Variants in C2orf76 observed in about 807,000 individuals in gnomAD.
The protein encoded by C2orf76 is UPF0538 protein C2orf76.
C2orf76 carries 23 observed loss-of-function variants against 16.9 expected under a neutral mutation model. The ratio of observed to expected loss-of-function variants is 1.36; its 90% confidence interval spans 0.98 to 1.93. C2orf76 has a LOEUF of 1.93. Ranked by LOEUF, C2orf76 falls within the 30% of genes most tolerant of loss-of-function variation. The probability of loss-of-function intolerance (pLI) is 0.00; values close to 1 mark genes in which losing one functional copy is unlikely to be tolerated. For missense variants in C2orf76, 152 were observed against 152.6 expected (o/e 1.00, Z 0.02); for synonymous variants, 48 against 52.3 (o/e 0.92, Z 0.35).
At chr2:119,354,094 A>T (rs1325475076) in intron 1 of C2orf76, among the ~76,000 whole-genome samples, 1 of 152,238 alleles carries the variant, frequency 6.6e-6, no homozygotes, top group Non-Finnish European at 1.5e-5. Context: ...TCTACAACTT[A>T]TATATGTATT....
the C2orf76 span, among the ~76,000 whole-genome samples, chr2:119,287,246 T>A: frequency 6.6e-6 from 1 of 152,240 alleles, no homozygotes; most frequent in Admixed American, 6.5e-5. Context: ...TTCTGATGGC[T>A]TGTCCTGCAG....
chr2:119,360,530 T>C (rs1680713106), intron 1 of C2orf76, among the ~76,000 whole-genome samples: 1 of 150,882 alleles, frequency 6.6e-6, no homozygotes, highest in Admixed American at 6.6e-5. Flanking sequence ...CATAATGCTA[T>C]TGCACACTTT....
intron 1 of C2orf76, among the ~76,000 whole-genome samples, chr2:119,341,903 C>T (rs576794380): frequency 5.3e-5 from 8 of 152,228 alleles, no homozygotes; most frequent in South Asian, 4.1e-4. Context: ...TCATCAGTGA[C>T]GGCAGGGACT....
At chr2:119,289,557 G>A in the C2orf76 span, among the ~76,000 whole-genome samples, 1 of 151,928 alleles carries the variant, frequency 6.6e-6, no homozygotes, top group Non-Finnish European at 1.5e-5. Flanking sequence ...GTGGTGGCAC[G>A]CGCCTATAGT....
chr2:119,354,578 G>A (rs907970088), intron 1 of C2orf76, among the ~76,000 whole-genome samples: 7 of 152,080 alleles, frequency 4.6e-5, no homozygotes, highest in Non-Finnish European at 7.4e-5. Context: ...GACTATATGA[G>A]GGTTAAATAA....
chr2:119,353,738 G>A (rs1488548718), intron 1 of C2orf76, among the ~76,000 whole-genome samples: 1 of 151,674 alleles, frequency 6.6e-6, no homozygotes, highest in Non-Finnish European at 1.5e-5. Context: ...AATTTTTGTA[G>A]TTTTAGTAGA....
chr2:119,286,188 C>T, the C2orf76 span, among the ~76,000 whole-genome samples: 11 of 147,478 alleles, frequency 7.5e-5, no homozygotes, highest in East Asian at 6.1e-4. Flanking sequence ...ATCATGCCGC[C>T]GCACTCCAGC....
intron 1 of C2orf76, among the ~76,000 whole-genome samples, chr2:119,343,655 G>A (rs1048553530): frequency 2.0e-5 from 3 of 152,098 alleles, no homozygotes; most frequent in Admixed American, 6.6e-5. Context: ...CATGTTAGCC[G>A]GGCGTGGTGG....
intron 5 of C2orf76, 29 bp from the exon 6 acceptor site, chr2:119,302,577 G>T (rs759254800): frequency 1.5e-6 from 2 of 1,376,798 alleles, no homozygotes; most frequent in South Asian, 3.0e-5. Context: ...TGGAAAAAAA[G>T]ATTTTAATGT....
At chr2:119,356,396 CAAA>C (rs34898813) in intron 1 of C2orf76, among the ~76,000 whole-genome samples, 4 of 95,620 alleles carry the variant, frequency 4.2e-5, no homozygotes, top group Admixed American at 2.2e-4. Context: ...GACTCTGTCT[CAAA>C]AAAAAAAAAA....
At chr2:119,307,301 G>A (rs576164976) in intron 5 of C2orf76, among the ~76,000 whole-genome samples, 21 of 152,124 alleles carry the variant, frequency 1.4e-4, no homozygotes, top group South Asian at 4.2e-4. Flanking sequence ...TTAGCTGGGC[G>A]TGGTGGCACA....
intron 5 of C2orf76, chr2:119,311,299 C>T: frequency 1.0e-6 from 1 of 985,438 alleles, no homozygotes; most frequent in Non-Finnish European, 1.2e-6. Context: ...CTCCAACCAT[C>T]GGCTCAAGTG....
At chr2:119,320,620 C>T (rs1397889044) in intron 3 of C2orf76, among the ~76,000 whole-genome samples, 1 of 152,150 alleles carries the variant, frequency 6.6e-6, no homozygotes, top group African/African-American at 2.4e-5. Context: ...AAAATTTATA[C>T]TTTAAAATGT....
intron 3 of C2orf76, among the ~76,000 whole-genome samples, chr2:119,320,185 A>G (rs913684150): frequency 1.3e-5 from 2 of 152,208 alleles, no homozygotes; most frequent in African/African-American, 4.8e-5. Flanking sequence ...AGCTTTGCAC[A>G]TAGACATATA....
intron 3 of C2orf76, among the ~76,000 whole-genome samples, chr2:119,318,637 C>T (rs1353702435): frequency 1.3e-5 from 2 of 151,586 alleles, no homozygotes; most frequent in African/African-American, 2.4e-5. Context: ...TCAAGCAATT[C>T]GCCTGCCTCA....
chr2:119,364,177 G>A (rs1680846776), intron 1 of C2orf76, among the ~76,000 whole-genome samples: 1 of 151,982 alleles, frequency 6.6e-6, no homozygotes, highest in African/African-American at 2.4e-5. Flanking sequence ...TTTATTCTGA[G>A]ACCCACCGAG....
At chr2:119,300,642 T>C (rs1443376249), downstream of C2orf76, among the ~76,000 whole-genome samples, 2 of 152,230 alleles carry the variant, frequency 1.3e-5, no homozygotes, top group Non-Finnish European at 2.9e-5. Flanking sequence ...AAAATGCATT[T>C]AATACACCTA....
chr2:119,358,781 T>C (rs544971434), intron 1 of C2orf76, among the ~76,000 whole-genome samples: 3 of 152,162 alleles, frequency 2.0e-5, no homozygotes, highest in African/African-American at 7.2e-5. Flanking sequence ...AGAGGTTGGT[T>C]CATGATGTTT....
chr2:119,325,939 T>C (rs535304530), intron 2 of C2orf76, among the ~76,000 whole-genome samples: 3 of 152,222 alleles, frequency 2.0e-5, no homozygotes, highest in South Asian at 4.1e-4. Flanking sequence ...TAAGAGGTTT[T>C]GGTTTTGGTT....
Sources: allele counts gnomAD v4.1 joint callset (sites outside exome capture counted in the v4.1 genomes callset), GRCh38; gene constraint gnomAD v4.1.1; transcripts MANE v1.5; gene names NCBI Gene and HGNC (gene_info 2026-07-23, HGNC 2026-07-21).